RALGPS2: variants seen among roughly 807,000 people sequenced by gnomAD.
The protein encoded by RALGPS2 is ras-specific guanine nucleotide-releasing factor RalGPS2.
Under a neutral mutation model 86.8 loss-of-function variants are expected in RALGPS2, and 43 were observed. The ratio of observed to expected loss-of-function variants is 0.50; its 90% CI spans 0.39 to 0.64. The LOEUF (loss-of-function observed/expected upper bound fraction) is 0.64. Among genes scored for constraint, RALGPS2 ranks in the 30% least tolerant of loss-of-function variants. The pLI is 0.00. For synonymous variants in RALGPS2, 243 were observed against 231.3 expected (o/e 1.05, Z -0.46); for missense variants, 536 against 694.6 (o/e 0.77, Z 2.57).
intron 8 of RALGPS2, among the ~76,000 whole-genome samples, chr1:178,859,831 C>T (rs931107239): frequency 9.9e-6 from 1 of 100,560 alleles, no homozygotes; most frequent in Non-Finnish European, 2.3e-5. Context: ...CCCCCCCCCC[C>T]CCAACCGCCC....
intron 8 of RALGPS2, chr1:178,865,487 C>G: frequency 6.2e-7 from 1 of 1,614,052 alleles, no homozygotes; most frequent in South Asian, 1.1e-5. Flanking sequence ...ATCTATCTCC[C>G]GCTTCTGCCT....
intron 5 of RALGPS2, among the ~76,000 whole-genome samples, chr1:178,809,460 T>C (rs1356341513): frequency 6.6e-6 from 1 of 152,160 alleles, no homozygotes; most frequent in Non-Finnish European, 1.5e-5. Context: ...GCTTTGCTTT[T>C]ATTTCCTTAT....
intron 17 of RALGPS2, among the ~76,000 whole-genome samples, chr1:178,899,645 TGGTTTTG>T (rs796501972): frequency 1.4e-5 from 2 of 143,464 alleles, no homozygotes; most frequent in African/African-American, 2.9e-5. Context: ...GTTTTGGTTT[TGGTTTTG>T]GTTTTTTTTT....
intron 8 of RALGPS2, among the ~76,000 whole-genome samples, chr1:178,833,945 A>C (rs1288516734): frequency 2.0e-5 from 3 of 152,166 alleles, no homozygotes; most frequent in African/African-American, 7.2e-5. Context: ...GTCTCAGTGC[A>C]TATTGGTATT....
intron 1 of RALGPS2, among the ~76,000 whole-genome samples, chr1:178,731,272 G>GTTTTTTTTTTTTTTTT (rs57628726): frequency 8.6e-5 from 5 of 57,948 alleles, no homozygotes; most frequent in African/African-American, 2.7e-4. Flanking sequence ...AGTTGTTTTG[G>GTTTTTTTTTTTTTTTT]TTTTTTTTTT....
intron 18 of RALGPS2, among the ~76,000 whole-genome samples, chr1:178,905,606 T>G (rs953645512): frequency 1.1e-4 from 17 of 152,202 alleles, no homozygotes; most frequent in African/African-American, 4.1e-4. Flanking sequence ...ATAGTTAGGC[T>G]CTTGAGCCAT....
chr1:178,836,204 T>C (rs954837043), intron 8 of RALGPS2, among the ~76,000 whole-genome samples: 2 of 152,250 alleles, frequency 1.3e-5, no homozygotes, highest in Admixed American at 6.5e-5. Flanking sequence ...AAAGGTTTTC[T>C]AGTGGAGAAT....
chr1:178,851,236 C>T, intron 8 of RALGPS2: 1 of 1,613,980 alleles, frequency 6.2e-7, no homozygotes, highest in South Asian at 1.1e-5. Flanking sequence ...TAATGGCCTC[C>T]TCTGTACCAT....
At chr1:178,897,563 T>C (rs1287203965) in intron 16 of RALGPS2, 101 bp from the exon 17 acceptor site, 3 of 917,920 alleles carry the variant, frequency 3.3e-6, no homozygotes, top group African/African-American at 3.3e-5. Flanking sequence ...GTTAGGACTT[T>C]GGTTGAAGTG....
chr1:178,888,867 C>T (rs964733640), intron 13 of RALGPS2, among the ~76,000 whole-genome samples: 3 of 151,964 alleles, frequency 2.0e-5, no homozygotes, highest in African/African-American at 4.8e-5. Context: ...GAACCCTGCC[C>T]GTAAAAAAGA....
chr1:178,852,583 G>T, intron 8 of RALGPS2: 1 of 1,320,892 alleles, frequency 7.6e-7, no homozygotes, highest in Middle Eastern at 2.5e-4. Context: ...GACCAAAACT[G>T]ACCTTTTTGA....
intron 6 of RALGPS2, among the ~76,000 whole-genome samples, chr1:178,819,065 C>T (rs1342782275): frequency 6.6e-6 from 1 of 150,378 alleles, no homozygotes; most frequent in Non-Finnish European, 1.5e-5. Flanking sequence ...CATGGCTCAT[C>T]ACAACCTGTG....
intron 1 of RALGPS2, among the ~76,000 whole-genome samples, chr1:178,745,500 A>G (rs1277950780): frequency 1.3e-5 from 2 of 152,252 alleles, no homozygotes; most frequent in East Asian, 3.8e-4. Context: ...AATTTTGACA[A>G]GGTGCAAAGG....
rs141453427 is a variant in RALGPS2, at chr1:178,903,452, C to T, written c.1630+1241C>T. ...GTGAGATTTTGGTGCACCCATCACC[C>T]GAGCAGCATACACTGCACTCTGTTT... On this transcript the variant is annotated intron_variant, in intron 18 of 19. Transcript: ENST00000367635. Among the ~76,000 whole-genome samples the T allele has an allele frequency of 3.0e-3, 454 of 152,078 alleles. 3 individuals carry two copies. The highest frequency in any genetic ancestry group is 9.5e-3 in the African/African-American group (394 of 41,520).
intron 6 of RALGPS2, among the ~76,000 whole-genome samples, chr1:178,816,467 T>G (rs546476749): frequency 1.3e-5 from 2 of 152,332 alleles, no homozygotes; most frequent in East Asian, 3.9e-4. Context: ...TTTTTTAATG[T>G]ATTCTGAATA....
At chr1:178,898,155 A>G (rs77920215) in intron 17 of RALGPS2, among the ~76,000 whole-genome samples, 6,745 of 152,142 alleles carry the variant, frequency 0.044, 216 homozygotes, top group African/African-American at 0.083. Context: ...AGTTACTGCA[A>G]TCACTTTCTT....
chr1:178,878,469 T>G (rs529365585), intron 9 of RALGPS2, among the ~76,000 whole-genome samples: 55 of 152,142 alleles, frequency 3.6e-4, no homozygotes, highest in South Asian at 1.7e-3. Context: ...ATTTTGTCCT[T>G]TTCTCAGTAT....
chr1:178,739,886 A>G (rs1650922550), intron 1 of RALGPS2, among the ~76,000 whole-genome samples: 1 of 152,250 alleles, frequency 6.6e-6, no homozygotes, highest in South Asian at 2.1e-4. Context: ...AATGAAGTCA[A>G]CAAACCTAGC....
intron 1 of RALGPS2, among the ~76,000 whole-genome samples, chr1:178,763,226 A>G (rs1652336231): frequency 6.6e-6 from 1 of 152,152 alleles, no homozygotes; most frequent in Non-Finnish European, 1.5e-5. Context: ...TAGCAGTGTC[A>G]TGCTGTTTTG....
Sources: allele counts gnomAD v4.1 joint callset (sites outside exome capture counted in the v4.1 genomes callset), GRCh38; gene constraint gnomAD v4.1.1; transcripts MANE v1.5; gene names NCBI Gene and HGNC (gene_info 2026-07-23, HGNC 2026-07-21).